The following WDR26 variants were observed in gnomAD, a reference collection of about 807,000 sequenced individuals.
The protein encoded by WDR26 is WD repeat domain 26.
A neutral mutation model predicts 84.1 loss-of-function variants in WDR26; 5 were observed. That is an observed-to-expected ratio of 0.06 (90% CI 0.03 to 0.13). The LOEUF is 0.13. Among genes scored for constraint, WDR26 ranks in the 10% least tolerant of loss-of-function variants. The pLI is 1.00. For synonymous variants in WDR26, 415 were observed against 389.6 expected, an observed-to-expected ratio of 1.07 and a Z score of -0.77; for missense variants, 642 against 974.9, an observed-to-expected ratio of 0.66 and a Z score of 4.55.
Position 224,398,998 on chromosome 1 carries a change from C to T in WDR26, c.1756G>A (p.Val586Ile). The change falls in exon 10 of 14, where the codon GTA (valine) becomes ATA (isoleucine). Residue 586 changes from valine (V) to isoleucine (I), a missense_variant. By Grantham distance (29) the Val-to-Ile change is conservative. Transcript: ENST00000414423. The stretch of plus-strand genomic sequence containing the variant: ...AAGCACCAAAGGCATTGCACTCTTA[C>T]CCCTTCCCAGGAGTCAAGGAGATTA... The T allele has an allele frequency of 6.3e-7, 1 of 1,592,838 alleles. No individual in the cohort carries two copies. The highest frequency in any genetic ancestry group is 8.5e-7 in the Non-Finnish European group (1 of 1,173,398).
At chr1:224,407,832 A>C (rs1673626386) in intron 7 of WDR26, among the ~76,000 whole-genome samples, 1 of 151,982 alleles carries the variant, frequency 6.6e-6, no homozygotes, top group Admixed American at 6.6e-5. Context: ...ATTTTCTTAT[A>C]ATTTTTTCAG....
chr1:224,396,174 T>G (rs1050870859), intron 12 of WDR26, among the ~76,000 whole-genome samples: 1 of 152,198 alleles, frequency 6.6e-6, no homozygotes, highest in Non-Finnish European at 1.5e-5. Context: ...GTGGTCTAAT[T>G]TGTAGCCCTA....
rs749711350 is a variant in WDR26, at chr1:224,388,677, T to C, written c.*1158A>G. The C allele has an allele frequency of 6.6e-6, 1 of 152,630 alleles. No homozygotes were observed. Among genetic ancestry groups the C allele is most frequent in the Non-Finnish European group, 1.5e-5 (1 of 68,028 alleles). 9.5% of individuals were successfully genotyped at this position (152,630 alleles called of 1,614,324 possible). On this transcript the variant is annotated 3_prime_UTR_variant, in exon 14 of 14. Coordinates refer to ENST00000414423, the MANE Select transcript of WDR26 (RefSeq NM_001379403.1). The stretch of plus-strand genomic sequence containing the variant: ...ATTAAGGGCAATTAAGAAAAATGAC[T>C]ATGAGGTTTTAATCCCAGTTTAAGT...
intron 7 of WDR26, among the ~76,000 whole-genome samples, chr1:224,407,198 TG>T (rs1255264214): frequency 1.1e-4 from 12 of 112,436 alleles, no homozygotes; most frequent in African/African-American, 3.8e-4. Context: ...TGTACATGAA[TG>T]AAAAAAATAT....
intron 6 of WDR26, among the ~76,000 whole-genome samples, chr1:224,411,978 G>A (rs1268292775): frequency 6.6e-6 from 1 of 151,948 alleles, no homozygotes; most frequent in African/African-American, 2.4e-5. Context: ...CTCCAGCCTG[G>A]GTGATGGAGT....
chr1:224,423,241 G>T (rs547279715), intron 4 of WDR26, among the ~76,000 whole-genome samples: 2 of 151,906 alleles, frequency 1.3e-5, no homozygotes, highest in Non-Finnish European at 2.9e-5. Flanking sequence ...CCTTTTTCTT[G>T]CCTAATTTCC....
intron 4 of WDR26, among the ~76,000 whole-genome samples, chr1:224,421,414 G>A (rs535996554): frequency 1.0e-3 from 158 of 152,132 alleles, no homozygotes; most frequent in African/African-American, 3.6e-3. Context: ...GCGAAACCCC[G>A]TCTCTACTAA....
At chr1:224,408,633 CTTT>C (rs67639407) in intron 7 of WDR26, among the ~76,000 whole-genome samples, 23 of 115,788 alleles carry the variant, frequency 2.0e-4, no homozygotes, top group South Asian at 2.9e-4. Flanking sequence ...TCATCCCATT[CTTT>C]TTTTTTTTTT....
intron 3 of WDR26, among the ~76,000 whole-genome samples, chr1:224,425,695 T>C (rs1024339885): frequency 6.6e-6 from 1 of 152,198 alleles, no homozygotes; most frequent in Non-Finnish European, 1.5e-5. Flanking sequence ...CTTTTCATCA[T>C]AGTTGCTACT....
Position 224,389,628 on chromosome 1 carries a change from C to A in WDR26, c.*207G>T, listed in dbSNP as rs1214381404. ...GGGAATAATTCAACATGGTGTCCAA[C>A]AACGTTCTAACGACGTGCTTCATCT... is the stretch of plus-strand genomic sequence containing the variant. On this transcript the variant is annotated 3_prime_UTR_variant, in exon 14 of 14. Transcript: ENST00000414423. 1.3e-5 allele frequency: 8 copies of A among 616,354 alleles called. No homozygotes were observed. Among genetic ancestry groups the A allele is most frequent in the Non-Finnish European group, 2.0e-5 (7 of 352,384 alleles). The allele number at this position is 616,354 out of a possible 1,614,324, so 38.2% of individuals were successfully genotyped here.
At chr1:224,407,122 TAAA>T (rs1158264938) in intron 7 of WDR26, among the ~76,000 whole-genome samples, 525 of 11,574 alleles carry the variant, frequency 0.045, 6 homozygotes, top group Non-Finnish European at 0.053. Flanking sequence ...ACTCTGTCTT[TAAA>T]AAAAAAAAAA....
In WDR26 at chr1:224,398,992, C is replaced by A; in HGVS notation, c.1762G>T (p.Val588Leu). The A allele has an allele frequency of 6.3e-7, 1 of 1,594,386 alleles. No homozygotes were observed. Among genetic ancestry groups the A allele is most frequent in the Non-Finnish European group, 8.5e-7 (1 of 1,174,118 alleles). The change falls in exon 10 of 14, where the codon GTG becomes TTG. Residue 588 changes from valine to leucine, a missense_variant. Val to Leu is a conservative substitution (Grantham distance 32, BLOSUM62 1). Around this residue, in one of 2 missense-constraint regions of WDR26, gnomAD observed 351 missense variants for 672.8 expected, o/e 0.52. Transcript: ENST00000414423. ...TCACTCAAGCACCAAAGGCATTGCA[C>A]TCTTACCCCTTCCCAGGAGTCAAGG...
At position 224,434,067 on chromosome 1, in the gene WDR26, G is replaced by GCCACCT; in HGVS notation, c.333_338dup (p.Gly124_Gly125dup). On this transcript the variant is annotated inframe_insertion, in exon 1 of 14. Transcript: ENST00000414423. ...CCCCTCCTCCTCCACCGCCGCCGCC[G>GCCACCT]CCACCTCCTCCTCCTCCTCCTGCCC... is the stretch of plus-strand genomic sequence containing the variant. The GCCACCT allele has an allele frequency of 6.9e-7, 1 of 1,447,770 alleles. No individual in the cohort carries two copies. Among genetic ancestry groups the GCCACCT allele is most frequent in the South Asian group, 1.4e-5 (1 of 70,870 alleles). 89.7% of individuals were successfully genotyped at this position (1,447,770 alleles called of 1,614,324 possible). A position where few individuals can be genotyped will look rare whatever the true frequency, so the allele number is the denominator to read the frequency against.
intron 4 of WDR26, among the ~76,000 whole-genome samples, chr1:224,420,964 A>C (rs972381742): frequency 5.3e-5 from 8 of 152,210 alleles, no homozygotes; most frequent in Non-Finnish European, 1.2e-4. Flanking sequence ...TATTATCAAT[A>C]ATTATATTTT....
At chr1:224,429,569 C>A (rs2102924372) in intron 3 of WDR26, 1 of 152,208 alleles carries the variant, frequency 6.6e-6, no homozygotes, top group South Asian at 2.1e-4. Context: ...TCAAAAAATG[C>A]TGAAATTAAT....
chr1:224,392,155 A>G (rs1315554540), intron 13 of WDR26, among the ~76,000 whole-genome samples: 1 of 152,064 alleles, frequency 6.6e-6, no homozygotes. Flanking sequence ...AGGTCAGGAG[A>G]TCGAGACCAT....
At chr1:224,405,464 T>C (rs1172619404) in intron 7 of WDR26, among the ~76,000 whole-genome samples, 2 of 152,210 alleles carry the variant, frequency 1.3e-5, no homozygotes, top group African/African-American at 4.8e-5. Context: ...GGTCGTATGC[T>C]AACTCTGTTT....
Position 224,434,355 on chromosome 1 carries a change from G to A in WDR26, c.51C>T (p.Asp17=), listed in dbSNP as rs1185582606. ...GCGGGGAGGCTCCGCCGGTGTCCGA[G>A]TCGGAGGAGGAGGAAGCGGAGGCCA... Residue 17 remains aspartate (D), a synonymous_variant, in exon 1 of 14, where the codon GAC becomes GAT. Coordinates refer to ENST00000414423, the MANE Select transcript of WDR26 (RefSeq NM_001379403.1). 2 of 1,224,530 alleles carry A rather than the reference G, an allele frequency of 1.6e-6. No homozygotes were observed. Among genetic ancestry groups the A allele is most frequent in the Non-Finnish European group, 1.0e-6 (1 of 983,828 alleles). The allele number at this position is 1,224,530 out of a possible 1,614,324, so 75.9% of individuals were successfully genotyped here. A position where few individuals can be genotyped will look rare whatever the true frequency, so the allele number is the denominator to read the frequency against.
At chr1:224,432,953 GA>G (rs1674440623) in intron 1 of WDR26, among the ~76,000 whole-genome samples, 1 of 152,162 alleles carries the variant, frequency 6.6e-6, no homozygotes, top group Admixed American at 6.5e-5. Flanking sequence ...AATTGTATTT[GA>G]AAACAAATGG....
Sources: gnomAD v4.1 joint callset for allele counts (sites outside exome capture counted in the v4.1 genomes callset) on GRCh38, gnomAD v4.1.1 for gene constraint, gnomAD v4.1.1 regional missense constraint, MANE v1.5 for transcripts, NCBI Gene and HGNC (gene_info 2026-07-23, HGNC 2026-07-21) for gene names.